Variants in TRPM3 observed in about 807,000 individuals in gnomAD.
TRPM3 encodes transient receptor potential cation channel subfamily M member 3.
A neutral mutation model predicts 181.2 loss-of-function variants in TRPM3; 77 were observed. That is an observed-to-expected ratio of 0.42 (90% CI 0.35 to 0.51). TRPM3 has a LOEUF of 0.51. TRPM3 is among the 20% of genes least tolerant of loss of function. TRPM3 has a pLI of 0.01. For missense variants in TRPM3, 1,759 were observed against 2,196.7 expected (o/e 0.80, Z 3.98); for synonymous variants, 745 against 796.4 (o/e 0.94, Z 1.09).
At chr9:70,897,875 T>C in intron 1 of TRPM3, among the ~76,000 whole-genome samples, 1 of 152,138 alleles carries the variant, frequency 6.6e-6, no homozygotes, top group Non-Finnish European at 1.5e-5. Context: ...TCAAGAAGGG[T>C]CAGACTGGTA....
intron 1 of TRPM3, among the ~76,000 whole-genome samples, chr9:71,389,936 A>G (rs2093022125): frequency 6.6e-6 from 1 of 152,096 alleles, no homozygotes; most frequent in African/African-American, 2.4e-5. Context: ...GTAGCCAAAT[A>G]CTACCTGTAC....
chr9:71,238,149 T>C (rs1050356671), intron 1 of TRPM3, among the ~76,000 whole-genome samples: 8 of 152,300 alleles, frequency 5.3e-5, no homozygotes, highest in South Asian at 2.1e-4. Flanking sequence ...TTTTTTTCTA[T>C]GAAAAAACGC....
intron 22 of TRPM3, among the ~76,000 whole-genome samples, chr9:70,570,032 A>G (rs186202898): frequency 6.6e-6 from 1 of 152,266 alleles, no homozygotes; most frequent in Non-Finnish European, 1.5e-5. Flanking sequence ...CAATTAATTT[A>G]AGGTTACTTC....
rs577424321 is a variant in TRPM3, at chr9:70,978,300, C to A, written c.178-113789G>T. On this transcript the variant is annotated intron_variant, in intron 1 of 25. Coordinates refer to ENST00000677713, the MANE Select transcript of TRPM3 (RefSeq NM_001366145.2). ...AAAAATGTTTTGATGCTTCTTAGGGCCATTGACTGCTTATATATTTATGTC... is the reference window on the plus strand; with the variant it reads ...AAAAATGTTTTGATGCTTCTTAGGGACATTGACTGCTTATATATTTATGTC... 3.3e-5 allele frequency among the ~76,000 whole-genome samples: 5 copies of A among 152,294 alleles called. No individual in the cohort carries two copies. The South Asian group carries it at 1.0e-3, about 32-fold the overall frequency.
chr9:71,055,146 C>T (rs1374646106), intron 1 of TRPM3, among the ~76,000 whole-genome samples: 1 of 151,942 alleles, frequency 6.6e-6, no homozygotes, highest in African/African-American at 2.4e-5. Flanking sequence ...AGCTTAGTGA[C>T]TGAATATTTG....
chr9:71,018,910 C>A (rs1655958984), intron 1 of TRPM3, among the ~76,000 whole-genome samples: 1 of 151,698 alleles, frequency 6.6e-6, no homozygotes, highest in Non-Finnish European at 1.5e-5. Context: ...GTAAATAAAA[C>A]TCAGTGATAT....
intron 1 of TRPM3, among the ~76,000 whole-genome samples, chr9:71,343,547 G>A (rs974089360): frequency 6.6e-6 from 1 of 152,138 alleles, no homozygotes; most frequent in Non-Finnish European, 1.5e-5. Flanking sequence ...AATATGGAAT[G>A]AAAGAAAGCA....
chr9:70,547,188 C>A (rs1416499641), intron 25 of TRPM3, among the ~76,000 whole-genome samples: 1 of 151,676 alleles, frequency 6.6e-6, no homozygotes, highest in African/African-American at 2.4e-5. Flanking sequence ...TTGGGGTTAT[C>A]TAATATGAAT....
intron 1 of TRPM3, among the ~76,000 whole-genome samples, chr9:71,352,785 A>G (rs1407988595): frequency 1.3e-5 from 2 of 152,050 alleles, no homozygotes; most frequent in Non-Finnish European, 2.9e-5. Context: ...GCCTTTGTCT[A>G]TCTCAGGCAC....
chr9:71,432,858 T>C (rs980435892), intron 1 of TRPM3, among the ~76,000 whole-genome samples: 1 of 152,154 alleles, frequency 6.6e-6, no homozygotes, highest in African/African-American at 2.4e-5. Flanking sequence ...TCAATAAATC[T>C]TGAAGGGCTT....
intron 1 of TRPM3, among the ~76,000 whole-genome samples, chr9:71,256,048 A>AT (rs1232689421): frequency 4.6e-5 from 7 of 152,228 alleles, no homozygotes; most frequent in African/African-American, 1.7e-4. Context: ...ATTTCAGCCC[A>AT]TCTGAAGGCC....
chr9:71,310,780 A>G (rs1262010294), intron 1 of TRPM3, among the ~76,000 whole-genome samples: 3 of 152,128 alleles, frequency 2.0e-5, no homozygotes, highest in Non-Finnish European at 4.4e-5. Context: ...AGCATAGGAC[A>G]ATACCCTGAG....
At chr9:71,296,951 G>A (rs141937572) in intron 1 of TRPM3, among the ~76,000 whole-genome samples, 368 of 148,986 alleles carry the variant, frequency 2.5e-3, no homozygotes, top group African/African-American at 8.5e-3. Context: ...GATGAAAATT[G>A]AACAATACAT....
At chr9:71,036,854 G>C (rs2058266796) in intron 1 of TRPM3, among the ~76,000 whole-genome samples, 1 of 152,170 alleles carries the variant, frequency 6.6e-6, no homozygotes, top group African/African-American at 2.4e-5. Context: ...AGAGACACAT[G>C]TACTCAAATA....
chr9:70,828,156 C>G, intron 5 of TRPM3, 138 bp from the exon 6 acceptor site: 1 of 828,112 alleles, frequency 1.2e-6, no homozygotes, highest in Non-Finnish European at 1.8e-6. Context: ...ACATCTTCTT[C>G]TTAGTATTGC....
At chr9:71,165,827 A>G (rs2076514664) in intron 1 of TRPM3, among the ~76,000 whole-genome samples, 1 of 152,190 alleles carries the variant, frequency 6.6e-6, no homozygotes, top group African/African-American at 2.4e-5. Context: ...AGAGTTGAGC[A>G]TGGTAAAACA....
chr9:70,643,373 T>A (rs1032787012), intron 9 of TRPM3, among the ~76,000 whole-genome samples: 1 of 152,166 alleles, frequency 6.6e-6, no homozygotes, highest in Non-Finnish European at 1.5e-5. Context: ...AATTAGTATG[T>A]CACCCAAGTC....
At chr9:71,389,597 A>C (rs1016004808) in intron 1 of TRPM3, among the ~76,000 whole-genome samples, 1 of 152,266 alleles carries the variant, frequency 6.6e-6, no homozygotes, top group Non-Finnish European at 1.5e-5. Context: ...CCCATCAATC[A>C]ACAAGTGGAT....
In TRPM3 at chr9:71,278,915, C is replaced by T. The variant is rs192767013; in HGVS notation, c.183+167738G>A. Among the ~76,000 whole-genome samples, 87 of 151,752 alleles carry T rather than the reference C, an allele frequency of 5.7e-4. No homozygotes were observed. The East Asian group carries it at 9.7e-3, about 17-fold the overall frequency. On this transcript the variant is annotated intron_variant, in intron 1 of 24. Coordinates refer to the TRPM3 transcript ENST00000357533. Reference sequence around the variant, plus strand: ...CCAACAAGTATAAGCAGAAATAGTCCGCTACAATGATAATCAAAGAAATGC... The same window carrying T: ...CCAACAAGTATAAGCAGAAATAGTCTGCTACAATGATAATCAAAGAAATGC...
Sources: allele counts gnomAD v4.1 joint callset (sites outside exome capture counted in the v4.1 genomes callset), GRCh38; gene constraint gnomAD v4.1.1; transcripts MANE v1.5; gene names NCBI Gene and HGNC (gene_info 2026-07-23, HGNC 2026-07-21).